Variants in GABPB1 observed in about 807,000 individuals in gnomAD.
GABPB1 encodes the protein GA-binding protein subunit beta-1.
GABPB1 carries 15 observed loss-of-function variants against 45.9 expected under a neutral mutation model. The ratio of observed to expected loss-of-function variants is 0.33; its 90% CI spans 0.22 to 0.50. The LOEUF (loss-of-function observed/expected upper bound fraction) is 0.50, where lower values mean the gene tolerates loss of function less well. Ranked by LOEUF, GABPB1 falls within the 20% of genes least tolerant of loss-of-function variation. The pLI is 0.98. For missense variants in GABPB1, 252 were observed against 457.5 expected, an observed-to-expected ratio of 0.55 and a Z score of 4.10; for synonymous variants, 143 against 154.4, an observed-to-expected ratio of 0.93 and a Z score of 0.55.
intron 1 of GABPB1, chr15:50,314,703 T>C (rs935117469): frequency 6.6e-6 from 1 of 152,280 alleles, no homozygotes; most frequent in African/African-American, 2.4e-5. Flanking sequence ...ATGTTCTAGA[T>C]AATTTTCAAA....
intron 1 of GABPB1, chr15:50,350,933 T>A (rs933511124): frequency 1.3e-5 from 2 of 152,226 alleles, no homozygotes; most frequent in Non-Finnish European, 2.9e-5. Flanking sequence ...GAAGCTCCTC[T>A]TCTTTAGGTC....
chr15:50,296,595 C>T (rs1423788192), intron 6 of GABPB1, among the ~76,000 whole-genome samples: 1 of 152,188 alleles, frequency 6.6e-6, no homozygotes, highest in Non-Finnish European at 1.5e-5. Flanking sequence ...ACCAAATCCT[C>T]CTTTCTCTAC....
chr15:50,282,284 T>C, intron 8 of GABPB1: 4 of 454,766 alleles, frequency 8.8e-6, no homozygotes, highest in South Asian at 1.5e-5. Flanking sequence ...ATGACCTGGA[T>C]ATGGTGACTT....
chr15:50,321,221 T>G (rs975402857), intron 1 of GABPB1, among the ~76,000 whole-genome samples: 3 of 152,200 alleles, frequency 2.0e-5, no homozygotes, highest in Admixed American at 6.5e-5. Context: ...AAAATCACAT[T>G]TTAGTTGTAA....
chr15:50,338,800 G>A (rs1016616313), intron 1 of GABPB1, among the ~76,000 whole-genome samples: 4 of 152,158 alleles, frequency 2.6e-5, no homozygotes, highest in African/African-American at 7.2e-5. Context: ...TACAGTATAA[G>A]CTATCTACCA....
intron 1 of GABPB1, chr15:50,349,929 T>C (rs2141187438): frequency 6.6e-6 from 1 of 152,308 alleles, no homozygotes; most frequent in South Asian, 2.1e-4. Context: ...ATTTAACAAT[T>C]TGGCACATAT....
intron 8 of GABPB1, among the ~76,000 whole-genome samples, chr15:50,281,415 G>A (rs1277290618): frequency 6.6e-6 from 1 of 152,144 alleles, no homozygotes; most frequent in Non-Finnish European, 1.5e-5. Context: ...GTTTCACCAT[G>A]TTAGCCAGGA....
At chr15:50,345,823 T>C (rs1206455504) in intron 1 of GABPB1, among the ~76,000 whole-genome samples, 1 of 152,112 alleles carries the variant, frequency 6.6e-6, no homozygotes, top group Non-Finnish European at 1.5e-5. Context: ...GCCATTCTCC[T>C]GCCTCAGCCT....
intron 7 of GABPB1, among the ~76,000 whole-genome samples, chr15:50,287,786 G>A (rs1219440312): frequency 1.3e-5 from 2 of 152,188 alleles, no homozygotes; most frequent in Admixed American, 1.3e-4. Context: ...CTTTGTGAAA[G>A]CATCTGACCC....
intron 7 of GABPB1, among the ~76,000 whole-genome samples, chr15:50,286,878 C>T (rs2046178088): frequency 6.6e-6 from 1 of 152,112 alleles, no homozygotes; most frequent in African/African-American, 2.4e-5. Context: ...AATGACTGTG[C>T]AAGCTGAAAC....
chr15:50,314,946 A>G (rs117448167), intron 1 of GABPB1, among the ~76,000 whole-genome samples: 2,664 of 152,264 alleles, frequency 0.017, 43 homozygotes, highest in Middle Eastern at 0.034. Context: ...TATCACATTC[A>G]CAGTGATTTT....
chr15:50,320,077 A>AAAAATT, intron 1 of GABPB1, among the ~76,000 whole-genome samples: 1 of 152,220 alleles, frequency 6.6e-6, no homozygotes, highest in Non-Finnish European at 1.5e-5. Context: ...GGCAAAAATA[A>AAAAATT]AAAATTAAAA....
At chr15:50,304,603 C>A (rs1014922158) in intron 2 of GABPB1, among the ~76,000 whole-genome samples, 3 of 151,508 alleles carry the variant, frequency 2.0e-5, no homozygotes, top group Non-Finnish European at 2.9e-5. Flanking sequence ...CCCAGCTACT[C>A]AGGAGGCTAA....
chr15:50,326,844 A>G (rs531059233), intron 1 of GABPB1, among the ~76,000 whole-genome samples: 7 of 152,176 alleles, frequency 4.6e-5, no homozygotes, highest in African/African-American at 1.2e-4. Flanking sequence ...TTAAAAAAAA[A>G]AAAGAAAGAA....
chr15:50,281,802 A>G (rs1490784893), intron 8 of GABPB1, among the ~76,000 whole-genome samples: 3 of 152,170 alleles, frequency 2.0e-5, no homozygotes, highest in African/African-American at 7.2e-5. Context: ...CTTAGAAAAA[A>G]GAGATATAGA....
chr15:50,317,274 T>C (rs1213424783), intron 1 of GABPB1, among the ~76,000 whole-genome samples: 1 of 151,694 alleles, frequency 6.6e-6, no homozygotes. Context: ...GTGTGGTGGC[T>C]GACGCCTGTA....
chr15:50,302,847 T>C, intron 4 of GABPB1, 82 bp downstream of exon 4: 1 of 932,374 alleles, frequency 1.1e-6, no homozygotes, highest in Non-Finnish European at 1.6e-6. Flanking sequence ...AACAATAGTT[T>C]AAATCATGCA....
chr15:50,307,473 G>A (rs1056009922), intron 2 of GABPB1, among the ~76,000 whole-genome samples: 14 of 152,194 alleles, frequency 9.2e-5, no homozygotes, highest in African/African-American at 3.4e-4. Context: ...GGAGGCCGAG[G>A]CGGGCTGATC....
intron 2 of GABPB1, among the ~76,000 whole-genome samples, chr15:50,306,140 A>AT (rs1483063104): frequency 6.6e-5 from 10 of 151,820 alleles, no homozygotes; most frequent in Non-Finnish European, 4.4e-5. Context: ...TGCCTGACTA[A>AT]TTTTTTTCTT....
Sources: gnomAD v4.1 joint callset for allele counts (sites outside exome capture counted in the v4.1 genomes callset) on GRCh38, gnomAD v4.1.1 for gene constraint, MANE v1.5 for transcripts, NCBI Gene and HGNC (gene_info 2026-07-23, HGNC 2026-07-21) for gene names.